CCN5: variants seen among roughly 807,000 people sequenced by gnomAD.
CCN5 encodes cellular communication network factor 5, also known as CCN family member 5.
Under a neutral mutation model 18.7 loss-of-function variants are expected in CCN5, and 17 were observed. The ratio of observed to expected loss-of-function variants is 0.91; its 90% CI spans 0.62 to 1.36. The LOEUF (loss-of-function observed/expected upper bound fraction) is 1.36. Ranked by LOEUF, CCN5 falls within the 40% of genes most tolerant of loss-of-function variation. CCN5 has a pLI of 0.00. For synonymous variants in CCN5, 135 were observed against 145.2 expected (o/e 0.93, Z 0.50); for missense variants, 367 against 342.9 (o/e 1.07, Z -0.56).
At chr20:44,717,603 G>A (rs1230121600) in intron 1 of CCN5, among the ~76,000 whole-genome samples, 2 of 152,068 alleles carry the variant, frequency 1.3e-5, no homozygotes, top group East Asian at 1.9e-4. Flanking sequence ...CGGGCTGGGC[G>A]TGGTGGCTCA....
intron 2 of CCN5, among the ~76,000 whole-genome samples, chr20:44,722,227 A>T (rs2065904517): frequency 1.3e-5 from 2 of 152,172 alleles, no homozygotes; most frequent in Non-Finnish European, 2.9e-5. Context: ...TTTGCAGGGA[A>T]CATACTGCCA....
Position 44,720,072 on chromosome 20 carries a change from A to G in CCN5, c.236A>G (p.Gln79Arg). ...VCDASQGLVC[Q>R]PGAGPGGRGA... ...GACGCCAGCCAGGGCCTGGTCTGCC[A>G]GCCCGGGGCAGGACCCGGTGGCCGG... Residue 79 changes from glutamine (Q) to arginine (R), a missense_variant, in exon 2 of 4, where the codon CAG (glutamine) becomes CGG (arginine). Transcript: ENST00000190983. The G allele has an allele frequency of 2.5e-6, 4 of 1,577,486 alleles. No individual in the cohort carries two copies. The highest frequency in any genetic ancestry group is 3.4e-6 in the Non-Finnish European group (4 of 1,167,670).
chr20:44,717,088 A>C (rs897742753), intron 1 of CCN5, among the ~76,000 whole-genome samples: 1 of 151,998 alleles, frequency 6.6e-6, no homozygotes, highest in African/African-American at 2.4e-5. Context: ...CTGAGGCACA[A>C]TGGGACAACT....
intron 1 of CCN5, 112 bp downstream of exon 1, chr20:44,715,562 A>C: frequency 1.7e-6 from 2 of 1,197,300 alleles, no homozygotes; most frequent in Non-Finnish European, 1.2e-6. Context: ...AGGGCCCCAC[A>C]TTGGGCACAG....
chr20:44,722,873 G>A (rs578249335), intron 2 of CCN5, among the ~76,000 whole-genome samples: 4 of 152,076 alleles, frequency 2.6e-5, no homozygotes, highest in South Asian at 4.2e-4. Context: ...TCTGAGCCCC[G>A]TCATCATTGG....
chr20:44,715,116 A>ACC, upstream of CCN5: 1 of 467,442 alleles, frequency 2.1e-6, no homozygotes. Context: ...ACACACACAC[A>ACC]CACGGACAGG....
chr20:44,715,081 C>G (rs1465370404), upstream of CCN5: 2 of 284,806 alleles, frequency 7.0e-6, no homozygotes, highest in Non-Finnish European at 1.3e-5. Context: ...CTCAGGCTTT[C>G]ACACACACAC....
Position 44,724,924 on chromosome 20 carries a change from G to T in CCN5, c.464G>T (p.Gly155Val). The T allele has an allele frequency of 1.3e-6, 2 of 1,596,284 alleles. No homozygotes were observed. The change falls in exon 3 of 4, where the codon GGC (glycine) becomes GTC (valine). Residue 155 changes from glycine (G) to valine (V), a missense_variant. Transcript: ENST00000190983. ...CPHPRRVEVL[G>V]KCCPEWVCGQ... The stretch of plus-strand genomic sequence containing the variant: ...CACCCCAGGAGGGTCGAGGTCCTGG[G>T]CAAGTGCTGCCCTGAGTGGGTGTGC...
chr20:44,725,125 C>A, intron 3 of CCN5, 133 bp downstream of exon 3: 1 of 1,252,448 alleles, frequency 8.0e-7, no homozygotes, highest in Non-Finnish European at 1.0e-6. Flanking sequence ...GGGGCGGAGG[C>A]TGAGGAGGGA....
At chr20:44,720,153 C>A (rs145387366) in intron 2 of CCN5, 40 bp downstream of exon 2, 1 of 1,530,454 alleles carries the variant, frequency 6.5e-7, no homozygotes, top group African/African-American at 1.4e-5. Context: ...CGGGTGTGAG[C>A]GGGAGGTCAA....
chr20:44,714,933 T>C (rs2065844657), upstream of CCN5: 1 of 163,804 alleles, frequency 6.1e-6, no homozygotes, highest in Non-Finnish European at 1.3e-5. Flanking sequence ...ATGCTTCTGG[T>C]ATCTGCAGCC....
At chr20:44,727,054 G>C (rs193222703) in intron 3 of CCN5, 33 bp from the exon 4 acceptor site, 2 of 1,501,026 alleles carry the variant, frequency 1.3e-6, no homozygotes, top group Admixed American at 2.2e-5. Flanking sequence ...AGCCCTGGCT[G>C]CTCAGTGCTA....
At chr20:44,725,533 T>G (rs1478274148) in intron 3 of CCN5, among the ~76,000 whole-genome samples, 1 of 152,014 alleles carries the variant, frequency 6.6e-6, no homozygotes, top group African/African-American at 2.4e-5. Context: ...ATGTGTAATT[T>G]AAAACCATAA....
At chr20:44,719,311 T>A (rs181070040) in intron 1 of CCN5, among the ~76,000 whole-genome samples, 1,540 of 152,338 alleles carry the variant, frequency 0.01, 21 homozygotes, top group African/African-American at 0.031. Context: ...AGGCTCAGAA[T>A]GCTTAAGTAA....
intron 1 of CCN5, among the ~76,000 whole-genome samples, chr20:44,716,005 A>G (rs2145407433): frequency 6.6e-6 from 1 of 152,352 alleles, no homozygotes; most frequent in Middle Eastern, 3.4e-3. Context: ...GACATTCACC[A>G]AAGAGCCTGT....
At chr20:44,715,368 T>G, upstream of CCN5, 1 of 1,592,020 alleles carries the variant, frequency 6.3e-7, no homozygotes, top group Non-Finnish European at 8.5e-7. Flanking sequence ...CCTCCCAGGC[T>G]CAAAGCTGGC....
In CCN5 at chr20:44,724,785, G is replaced by T; in HGVS notation, c.325G>T (p.Glu109Ter). 6.2e-7 allele frequency: 1 copy of T among 1,612,834 alleles called. No homozygotes were observed. Among genetic ancestry groups the T allele is most frequent in the Non-Finnish European group, 8.5e-7 (1 of 1,179,884 alleles). ...TGAGGTGAACGGCCGCCTGTATCGG[G>T]AAGGGGAGACCTTCCAGCCCCACTG... The part of the protein sequence containing the change: ...SCEVNGRLYR[E>*]GETFQPHCSI... The change falls in exon 3 of 4, where the codon GAA (glutamate) becomes TAA (stop). Residue 109 changes from glutamate to a stop codon, truncating the protein, a stop_gained. Coordinates refer to ENST00000190983, the MANE Select transcript of CCN5 (RefSeq NM_003881.4). LOFTEE classifies it high-confidence loss of function.
chr20:44,719,006 G>C (rs556915842), intron 1 of CCN5, among the ~76,000 whole-genome samples: 1 of 152,182 alleles, frequency 6.6e-6, no homozygotes, highest in Admixed American at 6.5e-5. Context: ...TGAATGGATC[G>C]AAAGGCCAAA....
chr20:44,717,459 C>A (rs2065867360), intron 1 of CCN5, among the ~76,000 whole-genome samples: 1 of 152,128 alleles, frequency 6.6e-6, no homozygotes, highest in African/African-American at 2.4e-5. Flanking sequence ...GTGGGAGGGA[C>A]CTGAGAGTCA....
Sources: allele counts gnomAD v4.1 joint callset (sites outside exome capture counted in the v4.1 genomes callset), GRCh38; gene constraint gnomAD v4.1.1; transcripts MANE v1.5; gene names NCBI Gene and HGNC (gene_info 2026-07-23, HGNC 2026-07-21).